Variants in GATAD2B observed in about 807,000 individuals in gnomAD.
GATAD2B encodes GATA zinc finger domain containing 2B.
A neutral mutation model predicts 64.3 loss-of-function variants in GATAD2B; 8 were observed. The observed-to-expected ratio is 0.12, with a 90% CI of 0.07 to 0.22. The LOEUF is 0.22. GATAD2B is among the 10% of genes least tolerant of loss of function. The pLI is 1.00. For synonymous variants in GATAD2B, 281 were observed against 271.3 expected (o/e 1.04, Z -0.35); for missense variants, 453 against 752.0 (o/e 0.60, Z 4.65).
intron 10 of GATAD2B, chr1:153,811,527 T>C (rs1674292467): frequency 3.1e-6 from 2 of 642,360 alleles, no homozygotes; most frequent in Non-Finnish European, 5.5e-6. Flanking sequence ...TCTGGGTCAT[T>C]TTCACCACCA....
chr1:153,852,353 T>A (rs1026114688), intron 1 of GATAD2B: 3 of 901,812 alleles, frequency 3.3e-6, no homozygotes, highest in Non-Finnish European at 3.7e-6. Flanking sequence ...ACTGAGTAGA[T>A]GTCGCCTGCC....
intron 1 of GATAD2B, among the ~76,000 whole-genome samples, chr1:153,874,252 A>G (rs138276393): frequency 0.021 from 3,046 of 147,892 alleles, 108 homozygotes; most frequent in African/African-American, 0.071. Context: ...ACAGAGCAAC[A>G]CTCCGTCTCA....
At chr1:153,890,654 T>TA (rs1040634993) in intron 1 of GATAD2B, 2 of 152,088 alleles carry the variant, frequency 1.3e-5, no homozygotes, top group Non-Finnish European at 2.9e-5. Flanking sequence ...CCAACTTATT[T>TA]AAAGTGAAAT....
intron 1 of GATAD2B, among the ~76,000 whole-genome samples, chr1:153,895,528 C>T (rs1677560237): frequency 6.6e-6 from 1 of 151,430 alleles, no homozygotes; most frequent in African/African-American, 2.4e-5. Flanking sequence ...TGCAGTGAGC[C>T]ACGATCGTGC....
At chr1:153,820,550 A>G (rs1324304786) in intron 2 of GATAD2B, among the ~76,000 whole-genome samples, 2 of 152,186 alleles carry the variant, frequency 1.3e-5, no homozygotes, top group Non-Finnish European at 2.9e-5. Context: ...AATTTCAAAG[A>G]TACATTCCCA....
intron 1 of GATAD2B, among the ~76,000 whole-genome samples, chr1:153,897,297 G>C (rs1195361663): frequency 6.6e-6 from 1 of 152,110 alleles, no homozygotes; most frequent in African/African-American, 2.4e-5. Flanking sequence ...CGAAAGTGCT[G>C]GGATTACAGG....
At chr1:153,827,469 G>C (rs1001872236) in intron 2 of GATAD2B, 3 of 153,192 alleles carry the variant, frequency 2.0e-5, no homozygotes, top group South Asian at 4.1e-4. Context: ...GAGTGAAAGA[G>C]AGAGTAACAT....
At chr1:153,898,310 AAAAAAAAAAAAAAG>A (rs1335130695) in intron 1 of GATAD2B, among the ~76,000 whole-genome samples, 1 of 148,808 alleles carries the variant, frequency 6.7e-6, no homozygotes, top group Admixed American at 6.7e-5. Flanking sequence ...CTGTCTCAAA[AAAAAAAAAAAAAAG>A]AAAAAAAGAA....
In GATAD2B at chr1:153,911,534, C is replaced by T. The variant is rs373145497; in HGVS notation, c.-2+11199G>A. Among the ~76,000 whole-genome samples, 53 of 151,968 alleles carry T rather than the reference C, an allele frequency of 3.5e-4. 1 individual carries two copies. The East Asian group carries it at 9.5e-3, about 27-fold the overall frequency. On this transcript the variant is annotated intron_variant, in intron 1 of 10. Coordinates refer to ENST00000368655, the MANE Select transcript of GATAD2B (RefSeq NM_020699.4). ...TGGATCGCCTGAGGTCAGGAGTTCGCGACCAGCCTGACCAACATGGTGAAA... is the reference window on the plus strand; with the variant it reads ...TGGATCGCCTGAGGTCAGGAGTTCGTGACCAGCCTGACCAACATGGTGAAA...
At chr1:153,852,775 TAAC>T in intron 1 of GATAD2B, 2 of 954,966 alleles carry the variant, frequency 2.1e-6, no homozygotes, top group East Asian at 2.4e-5. Flanking sequence ...CAGTCTAACA[TAAC>T]AACTTGGCTT....
chr1:153,818,908 C>T lies in GATAD2B; in HGVS notation c.480G>A (p.Glu160=), dbSNP rs1277045125. 6.2e-7 allele frequency: 1 copy of T among 1,611,046 alleles called. No homozygotes were observed. Among genetic ancestry groups the T allele is most frequent in the African/African-American group, 1.3e-5 (1 of 74,918 alleles). The change falls in exon 4 of 11, where the codon GAG becomes GAA. Residue 160 remains glutamate (E), a synonymous_variant. Transcript: ENST00000368655. ...NLEMFKGKGI[E]ERQQLIKQLR... ...GCTGCTTGATAAGCTGCTGCCGCTC[C>T]TCAATGCCTTTCCCCTAAGGAAACA...
intron 2 of GATAD2B, 60 bp downstream of exon 2, chr1:153,827,953 C>A: frequency 1.7e-6 from 2 of 1,198,378 alleles, no homozygotes; most frequent in Non-Finnish European, 1.2e-6. Context: ...GGAATTCATT[C>A]CATTTTCACA....
chr1:153,861,781 C>CAAAAAAAAAAAAAAA lies in GATAD2B; in HGVS notation c.-1-33448_-1-33434dup, dbSNP rs869141712. Among the ~76,000 whole-genome samples, 339 of 85,358 alleles carry CAAAAAAAAAAAAAAA rather than the reference C, an allele frequency of 4.0e-3. 19 individuals are homozygous for CAAAAAAAAAAAAAAA. The highest frequency in any genetic ancestry group is 6.5e-3 in the Middle Eastern group (1 of 154). The allele number at this position is 85,358 out of a possible 152,430, so 56.0% of individuals were successfully genotyped here. A position where few individuals can be genotyped will look rare whatever the true frequency, so the allele number is the denominator to read the frequency against. The stretch of plus-strand genomic sequence containing the variant: ...TGGGCAACAGAGCGAGACTCCATTT[C>CAAAAAAAAAAAAAAA]AAAAAAAAAAAAAAATATATATATA... On this transcript the variant is annotated intron_variant, in intron 1 of 10. Coordinates refer to ENST00000368655, the MANE Select transcript of GATAD2B (RefSeq NM_020699.4).
chr1:153,861,089 C>A (rs1354507711), intron 1 of GATAD2B, among the ~76,000 whole-genome samples: 2 of 152,124 alleles, frequency 1.3e-5, no homozygotes. Context: ...TTACTTCAGG[C>A]AGCAAACTTC....
chr1:153,898,230 C>T (rs1174925563), intron 1 of GATAD2B, among the ~76,000 whole-genome samples: 2 of 149,112 alleles, frequency 1.3e-5, no homozygotes, highest in African/African-American at 5.0e-5. Flanking sequence ...ATTGCTAGAA[C>T]CCAAAGTTCA....
chr1:153,846,825 C>T (rs768428610), intron 1 of GATAD2B, among the ~76,000 whole-genome samples: 16 of 152,078 alleles, frequency 1.1e-4, no homozygotes, highest in Non-Finnish European at 1.8e-4. Context: ...TCCCCAAGTG[C>T]TGGGATTACA....
intron 1 of GATAD2B, among the ~76,000 whole-genome samples, chr1:153,897,400 CTTT>C (rs1460011608): frequency 4.6e-5 from 7 of 152,142 alleles, no homozygotes; most frequent in Non-Finnish European, 4.4e-5. Flanking sequence ...CTGATTTTGG[CTTT>C]TCTGTTTCTT....
At chr1:153,876,818 C>G (rs1354421700) in intron 1 of GATAD2B, among the ~76,000 whole-genome samples, 2 of 151,460 alleles carry the variant, frequency 1.3e-5, no homozygotes, top group African/African-American at 4.9e-5. Context: ...GCCTGGCCAA[C>G]ATGGTGAAAC....
chr1:153,852,532 C>T, intron 1 of GATAD2B: 1 of 767,312 alleles, frequency 1.3e-6, no homozygotes, highest in Non-Finnish European at 2.4e-6. Context: ...TCATCGTATC[C>T]AATATTCCTT....
Sources: allele counts gnomAD v4.1 joint callset (sites outside exome capture counted in the v4.1 genomes callset), GRCh38; gene constraint gnomAD v4.1.1; transcripts MANE v1.5; gene names NCBI Gene and HGNC (gene_info 2026-07-23, HGNC 2026-07-21).